The following SNTG1 variants were observed in gnomAD, a reference collection of about 807,000 sequenced individuals.
SNTG1 encodes syntrophin gamma 1, also known as gamma-1-syntrophin.
Under a neutral mutation model 74.7 loss-of-function variants are expected in SNTG1, and 39 were observed. The observed-to-expected ratio is 0.52, with a 90% CI of 0.40 to 0.68. The LOEUF is 0.68. Among genes scored for constraint, SNTG1 ranks in the 30% least tolerant of loss-of-function variants. The pLI is 0.00. For missense variants in SNTG1, 685 were observed against 609.5 expected (o/e 1.12, Z -1.30); for synonymous variants, 254 against 217.1 (o/e 1.17, Z -1.49).
chr8:50,156,980 G>GT (rs1314092474), intron 1 of SNTG1, among the ~76,000 whole-genome samples: 1 of 152,060 alleles, frequency 6.6e-6, no homozygotes, highest in African/African-American at 2.4e-5. Flanking sequence ...GTTCATAGCA[G>GT]TTTTTCATAT....
At chr8:50,115,939 G>A (rs2080805711) in intron 1 of SNTG1, among the ~76,000 whole-genome samples, 1 of 152,044 alleles carries the variant, frequency 6.6e-6, no homozygotes, top group Non-Finnish European at 1.5e-5. Context: ...ATACACTACA[G>A]CAGTCCCAAG....
intron 8 of SNTG1, among the ~76,000 whole-genome samples, chr8:50,476,839 G>T (rs2093700154): frequency 1.2e-5 from 1 of 80,360 alleles, no homozygotes; most frequent in African/African-American, 3.7e-5. Context: ...TACACAAAAT[G>T]AGCCTGTGAC....
At chr8:49,976,819 G>A (rs1226515890) in intron 1 of SNTG1, among the ~76,000 whole-genome samples, 3 of 152,048 alleles carry the variant, frequency 2.0e-5, no homozygotes, top group Non-Finnish European at 4.4e-5. Context: ...GGTACAATGG[G>A]AAGCCACCAC....
intron 2 of SNTG1, among the ~76,000 whole-genome samples, chr8:50,343,867 A>T (rs759439974): frequency 8.5e-5 from 13 of 152,202 alleles, no homozygotes; most frequent in Non-Finnish European, 1.5e-4. Flanking sequence ...GGCTTAATAG[A>T]GTTAAAATAC....
intron 9 of SNTG1, among the ~76,000 whole-genome samples, chr8:50,526,634 CATATATACACGCATAT>C (rs2094222022): frequency 1.9e-5 from 2 of 106,372 alleles, no homozygotes; most frequent in African/African-American, 7.7e-5. Flanking sequence ...TACACAAACA[CATATATACACGCATAT>C]ATATATATAT....
intron 2 of SNTG1, among the ~76,000 whole-genome samples, chr8:50,220,102 G>A (rs546859292): frequency 2.6e-5 from 4 of 152,174 alleles, no homozygotes; most frequent in Admixed American, 2.0e-4. Flanking sequence ...CTTCTCAGGT[G>A]TATGACAAAA....
chr8:50,471,151 C>T (rs796874498), intron 8 of SNTG1, among the ~76,000 whole-genome samples: 24 of 152,174 alleles, frequency 1.6e-4, no homozygotes, highest in African/African-American at 3.6e-4. Context: ...GAAGCCCAGC[C>T]GGCTTAACCT....
chr8:50,589,467 T>A (rs989357368), intron 12 of SNTG1, among the ~76,000 whole-genome samples: 1 of 151,140 alleles, frequency 6.6e-6, no homozygotes, highest in African/African-American at 2.5e-5. Context: ...CTATCCCGTG[T>A]TTTGCTCAAC....
chr8:50,493,263 A>G (rs1320540818), intron 8 of SNTG1, among the ~76,000 whole-genome samples: 3 of 152,176 alleles, frequency 2.0e-5, no homozygotes, highest in Non-Finnish European at 2.9e-5. Flanking sequence ...TATATTCTGT[A>G]CAGAGGAAGA....
intron 2 of SNTG1, among the ~76,000 whole-genome samples, chr8:50,212,716 T>C (rs10108318): frequency 0.022 from 3,349 of 152,302 alleles, 135 homozygotes; most frequent in African/African-American, 0.072. Flanking sequence ...ATATATACTC[T>C]GTGGCAGAAA....
chr8:50,105,148 C>T (rs1222963839), intron 1 of SNTG1, among the ~76,000 whole-genome samples: 2 of 151,914 alleles, frequency 1.3e-5, no homozygotes, highest in Non-Finnish European at 1.5e-5. Flanking sequence ...CTTTCCAGGG[C>T]TTTTATAGTT....
At chr8:50,445,500 T>C (rs1471675661) in intron 5 of SNTG1, among the ~76,000 whole-genome samples, 1 of 152,178 alleles carries the variant, frequency 6.6e-6, no homozygotes, top group Non-Finnish European at 1.5e-5. Context: ...TTCACAGTAA[T>C]GCTAGTAAAA....
Position 50,572,273 on chromosome 8 carries a change from T to TAGAG in SNTG1, c.811-18605_811-18604insGAGA, listed in dbSNP as rs1417802263. On this transcript the variant is annotated intron_variant, in intron 12 of 18. Transcript: ENST00000642720. Reference sequence around the variant, plus strand: ...ATCACCTATTTTATATATATATATATATAGAGAGAGAGAGAGAGAGAGTCA... The same window carrying TAGAG: ...ATCACCTATTTTATATATATATATATAGAGATAGAGAGAGAGAGAGAGAGAGTCA... Among the ~76,000 whole-genome samples the TAGAG allele has an allele frequency of 5.2e-4, 76 of 146,370 alleles. 1 individual carries two copies. The highest frequency in any genetic ancestry group is 3.0e-3 in the South Asian group (14 of 4,644).
chr8:50,389,014 C>G (rs1018290784), intron 2 of SNTG1, among the ~76,000 whole-genome samples: 3 of 152,056 alleles, frequency 2.0e-5, no homozygotes, highest in African/African-American at 2.4e-5. Flanking sequence ...AAGTTTGGCT[C>G]TGTGTGTGTC....
chr8:49,990,025 G>A (rs965340075), intron 1 of SNTG1, among the ~76,000 whole-genome samples: 7 of 151,862 alleles, frequency 4.6e-5, no homozygotes, highest in African/African-American at 1.4e-4. Flanking sequence ...TATCTTTCCT[G>A]TAAGATCAAG....
intron 18 of SNTG1, among the ~76,000 whole-genome samples, chr8:50,756,192 A>G (rs1487382722): frequency 6.6e-6 from 1 of 151,812 alleles, no homozygotes; most frequent in Non-Finnish European, 1.5e-5. Context: ...TTTTTGTCCA[A>G]TCTGCAGTGT....
chr8:50,245,384 A>C (rs933160140), intron 2 of SNTG1, among the ~76,000 whole-genome samples: 5 of 152,152 alleles, frequency 3.3e-5, no homozygotes, highest in African/African-American at 4.8e-5. Flanking sequence ...CAGAAACTGT[A>C]AAGTGAATGT....
chr8:50,670,722 C>A (rs1205017813), intron 15 of SNTG1, among the ~76,000 whole-genome samples: 1 of 146,440 alleles, frequency 6.8e-6, no homozygotes, highest in Non-Finnish European at 1.5e-5. Context: ...CAAAAAAGAG[C>A]CCGCATCACC....
At chr8:49,913,501 A>C (rs1022151906) in intron 1 of SNTG1, among the ~76,000 whole-genome samples, 1 of 152,124 alleles carries the variant, frequency 6.6e-6, no homozygotes, top group African/African-American at 2.4e-5. Flanking sequence ...TCTGAGGAAA[A>C]ATCATTCTTA....
Sources: gnomAD v4.1 joint callset for allele counts (sites outside exome capture counted in the v4.1 genomes callset) on GRCh38, gnomAD v4.1.1 for gene constraint, MANE v1.5 for transcripts, NCBI Gene and HGNC (gene_info 2026-07-23, HGNC 2026-07-21) for gene names.